Variants in MOSMO observed in about 807,000 individuals in gnomAD.
MOSMO encodes modulator of smoothened protein.
Under a neutral mutation model 18.4 loss-of-function variants are expected in MOSMO, and 5 were observed. That is an observed-to-expected ratio of 0.27 (90% CI 0.14 to 0.57). The LOEUF is 0.57. MOSMO is among the 20% of genes least tolerant of loss of function. The probability of loss-of-function intolerance (pLI) is 0.92; values close to 1 mark genes in which losing one functional copy is unlikely to be tolerated. For missense variants in MOSMO, 138 were observed against 211.8 expected, an observed-to-expected ratio of 0.65 and a Z score of 2.16; for synonymous variants, 82 against 82.3, an observed-to-expected ratio of 1.00 and a Z score of 0.02.
At chr16:22,050,101 A>G (rs1160277798) in intron 1 of MOSMO, among the ~76,000 whole-genome samples, 2 of 152,156 alleles carry the variant, frequency 1.3e-5, no homozygotes, top group African/African-American at 4.8e-5. Context: ...GAGTAAGTGG[A>G]GTGAATTGAC....
rs1223340832 is a variant in MOSMO, at chr16:22,008,393, C to A, written c.92C>A (p.Thr31Asn). The A allele has an allele frequency of 1.2e-5, 18 of 1,532,840 alleles. No homozygotes were observed. Among genetic ancestry groups the A allele is most frequent in the Non-Finnish European group, 1.6e-5 (18 of 1,145,350 alleles). 95.0% of individuals were successfully genotyped at this position (1,532,840 alleles called of 1,614,324 possible). A position where few individuals can be genotyped will look rare whatever the true frequency, so the allele number is the denominator to read the frequency against. ...ASIANPDWIN[T>N]GESAGALTVG... ...ATCGCCAACCCGGACTGGATCAACA[C>A]CGGGGAGTCTGCGGGTGAGCCGCTG... The change falls in exon 1 of 3, where the codon ACC becomes AAC. Residue 31 changes from threonine to asparagine, a missense_variant. By Grantham distance (65) the Thr-to-Asn change is moderately conservative (BLOSUM62 0). Coordinates refer to ENST00000542527, the MANE Select transcript of MOSMO (RefSeq NM_001164579.2).
At chr16:22,040,774 G>T (rs532645413) in intron 1 of MOSMO, among the ~76,000 whole-genome samples, 15 of 152,302 alleles carry the variant, frequency 9.8e-5, no homozygotes, top group African/African-American at 3.6e-4. Flanking sequence ...CAGAAAAGCT[G>T]CAGCCCTAGA....
intron 1 of MOSMO, among the ~76,000 whole-genome samples, chr16:22,045,662 G>C (rs1900293098): frequency 6.6e-6 from 1 of 152,158 alleles, no homozygotes; most frequent in Non-Finnish European, 1.5e-5. Context: ...ATGCTCAACT[G>C]TAAGTATAAT....
chr16:22,033,263 A>C (rs1900033419), intron 1 of MOSMO, among the ~76,000 whole-genome samples: 1 of 152,204 alleles, frequency 6.6e-6, no homozygotes, highest in East Asian at 1.9e-4. Flanking sequence ...GATTGCATTG[A>C]ATCTGTAGAT....
chr16:22,035,396 ATTT>A (rs1160059034), intron 1 of MOSMO, among the ~76,000 whole-genome samples: 2 of 133,340 alleles, frequency 1.5e-5, no homozygotes, highest in Non-Finnish European at 1.6e-5. Flanking sequence ...GCAGGAGGGG[ATTT>A]TTTTTTTTTT....
intron 1 of MOSMO, among the ~76,000 whole-genome samples, chr16:22,067,146 T>G (rs909230474): frequency 2.0e-5 from 3 of 152,136 alleles, no homozygotes; most frequent in African/African-American, 7.2e-5. Context: ...TCATCAAACT[T>G]AAAGACACAT....
intron 1 of MOSMO, among the ~76,000 whole-genome samples, chr16:22,039,291 A>T (rs1436515507): frequency 6.6e-6 from 1 of 152,202 alleles, no homozygotes; most frequent in African/African-American, 2.4e-5. Flanking sequence ...TCTGTCACTT[A>T]TAAGCTAGGT....
intron 1 of MOSMO, among the ~76,000 whole-genome samples, chr16:22,015,454 G>A (rs1294386183): frequency 8.6e-5 from 13 of 151,992 alleles, no homozygotes; most frequent in Admixed American, 7.9e-4. Context: ...ATCAGTTGGT[G>A]GACATTTGGA....
intron 1 of MOSMO, among the ~76,000 whole-genome samples, chr16:22,014,976 A>C (rs1044407522): frequency 6.6e-6 from 1 of 152,192 alleles, no homozygotes; most frequent in African/African-American, 2.4e-5. Flanking sequence ...TCATCCATTT[A>C]AAGTATACAA....
intron 1 of MOSMO, among the ~76,000 whole-genome samples, chr16:22,071,157 A>T (rs1900842480): frequency 6.6e-6 from 1 of 152,220 alleles, no homozygotes; most frequent in South Asian, 2.1e-4. Context: ...AGGAGGAAGT[A>T]GAGCAAGAGA....
chr16:22,049,305 AC>A (rs1900377923), intron 1 of MOSMO, among the ~76,000 whole-genome samples: 1 of 152,032 alleles, frequency 6.6e-6, no homozygotes, highest in Non-Finnish European at 1.5e-5. Flanking sequence ...GGCTCAAGTG[AC>A]CTTCTTGCCT....
intron 2 of MOSMO, among the ~76,000 whole-genome samples, chr16:22,078,780 G>A (rs375358820): frequency 1.3e-4 from 20 of 152,182 alleles, no homozygotes; most frequent in African/African-American, 4.8e-4. Context: ...ATTAAGCTGT[G>A]GAACCATTAG....
At chr16:22,038,237 C>T (rs1567505226) in intron 1 of MOSMO, among the ~76,000 whole-genome samples, 2 of 152,144 alleles carry the variant, frequency 1.3e-5, no homozygotes, top group Non-Finnish European at 2.9e-5. Context: ...TGTTAATAGC[C>T]TTGGAGAGAG....
chr16:22,070,826 T>C (rs1395307981), intron 1 of MOSMO, among the ~76,000 whole-genome samples: 1 of 152,180 alleles, frequency 6.6e-6, no homozygotes, highest in Non-Finnish European at 1.5e-5. Context: ...TTTTTGTGCT[T>C]CTACTCATTC....
chr16:22,035,537 C>A (rs1412774732), intron 1 of MOSMO, among the ~76,000 whole-genome samples: 1 of 152,012 alleles, frequency 6.6e-6, no homozygotes, highest in Non-Finnish European at 1.5e-5. Context: ...TCATACTGAG[C>A]CTCAGGAATT....
rs1014825263 is a variant in MOSMO, at chr16:22,047,490, C to T, written c.107-27997C>T. On this transcript the variant is annotated intron_variant, in intron 1 of 2. Coordinates refer to ENST00000542527, the MANE Select transcript of MOSMO (RefSeq NM_001164579.2). ...TGATCTCCTGACCTTGTGATCCGCC[C>T]GCCTCGGCCTCCCAAAGTGCTGGGA... Among the ~76,000 whole-genome samples, 6 of 152,056 alleles carry T rather than the reference C, an allele frequency of 3.9e-5. No individual in the cohort carries two copies. In the South Asian group the frequency reaches 1.0e-3, roughly 26 times the overall value.
chr16:22,072,901 G>A (rs1370799241), intron 1 of MOSMO, among the ~76,000 whole-genome samples: 3 of 151,810 alleles, frequency 2.0e-5, no homozygotes, highest in East Asian at 3.9e-4. Flanking sequence ...GAATAGAGCT[G>A]CTATTTGGTT....
intron 1 of MOSMO, among the ~76,000 whole-genome samples, chr16:22,068,708 CT>C (rs546301695): frequency 1.7e-3 from 252 of 151,952 alleles, no homozygotes; most frequent in African/African-American, 5.6e-3. Context: ...ATTAGTAGTT[CT>C]TTTTTTTAAT....
At chr16:22,088,346 T>C (rs998369719), downstream of MOSMO, among the ~76,000 whole-genome samples, 2 of 152,232 alleles carry the variant, frequency 1.3e-5, no homozygotes, top group African/African-American at 4.8e-5. Flanking sequence ...TGTAGATTTT[T>C]CTGTGTCAGT....
Sources: allele counts gnomAD v4.1 joint callset (sites outside exome capture counted in the v4.1 genomes callset), GRCh38; gene constraint gnomAD v4.1.1; transcripts MANE v1.5; gene names NCBI Gene and HGNC (gene_info 2026-07-23, HGNC 2026-07-21).